The following COMMD9 variants were observed in gnomAD, a reference collection of about 807,000 sequenced individuals.
COMMD9 encodes COMM domain containing 9, also known as COMM domain-containing protein 9.
Under a neutral mutation model 23.4 loss-of-function variants are expected in COMMD9, and 22 were observed. The observed-to-expected ratio is 0.94, with a 90% CI of 0.67 to 1.34. The LOEUF (loss-of-function observed/expected upper bound fraction) is 1.34, where lower values mean the gene tolerates loss of function less well. Among genes scored for constraint, COMMD9 ranks in the 40% most tolerant of loss-of-function variants. The probability of loss-of-function intolerance (pLI) is 0.00; values close to 1 mark genes in which losing one functional copy is unlikely to be tolerated. For synonymous variants in COMMD9, 99 were observed against 97.4 expected (o/e 1.02, Z -0.10); for missense variants, 231 against 240.2 (o/e 0.96, Z 0.25).
At position 36,273,333 on chromosome 11, in the gene COMMD9, T is replaced by C. The variant is rs1005335098; in HGVS notation, c.*1299A>G. ...GCAAGCTGTTGCCATGGAGATGATC[T>C]GGTGAGTGAAGGGGGAATCTTCACA... On this transcript the variant is annotated 3_prime_UTR_variant, in exon 6 of 6. Coordinates refer to ENST00000263401, the MANE Select transcript of COMMD9 (RefSeq NM_014186.4). The C allele has an allele frequency of 6.6e-6, 1 of 152,212 alleles. No homozygotes were observed. The highest frequency in any genetic ancestry group is 2.4e-5 in the African/African-American group (1 of 41,446). 9.4% of individuals were successfully genotyped at this position (152,212 alleles called of 1,614,324 possible).
chr11:36,281,290 G>C (rs150644895), intron 1 of COMMD9, among the ~76,000 whole-genome samples: 1 of 152,330 alleles, frequency 6.6e-6, no homozygotes, highest in Non-Finnish European at 1.5e-5. Flanking sequence ...AAAAGTTTTA[G>C]ATGACAACTG....
At chr11:36,286,765 C>T (rs1389418168) in intron 1 of COMMD9, among the ~76,000 whole-genome samples, 1 of 152,138 alleles carries the variant, frequency 6.6e-6, no homozygotes, top group Non-Finnish European at 1.5e-5. Flanking sequence ...TTGATACACA[C>T]AACATGGATG....
At chr11:36,282,811 C>A (rs994297733) in intron 1 of COMMD9, among the ~76,000 whole-genome samples, 2 of 152,148 alleles carry the variant, frequency 1.3e-5, no homozygotes, top group African/African-American at 4.8e-5. Context: ...CCACAATAGG[C>A]CGTCTGCAAG....
At chr11:36,279,113 G>A (rs1856024094) in intron 2 of COMMD9, among the ~76,000 whole-genome samples, 1 of 152,182 alleles carries the variant, frequency 6.6e-6, no homozygotes. Flanking sequence ...CTGAAGCTGT[G>A]CTTACTGAAC....
At chr11:36,280,340 C>A (rs1429483858) in intron 2 of COMMD9, among the ~76,000 whole-genome samples, 1 of 152,164 alleles carries the variant, frequency 6.6e-6, no homozygotes, top group Non-Finnish European at 1.5e-5. Context: ...CTCAGGAAGC[C>A]TGATGGAATC....
chr11:36,289,338 G>A (rs1856227756), intron 1 of COMMD9, 24 bp downstream of exon 1: 2 of 1,547,814 alleles, frequency 1.3e-6, no homozygotes, highest in East Asian at 2.5e-5. Flanking sequence ...GCCACCTCAC[G>A]CTGTCCCCAC....
chr11:36,278,550 T>C lies in COMMD9; in HGVS notation c.244A>G (p.Ile82Val), dbSNP rs376261836. The change falls in exon 3 of 6, where the codon ATT becomes GTT. Residue 82 changes from isoleucine (I) to valine (V), a missense_variant. Transcript: ENST00000263401. ...AFRDLSSAEA[I>V]LALFPENFHQ... ...AAATTTTCTGGAAAGAGAGCCAGAA[T>C]TGCCTCGGCAGAGGACAGGTCACGG... 1.2e-6 allele frequency: 2 copies of C among 1,614,098 alleles called. No individual in the cohort carries two copies. Among genetic ancestry groups the C allele is most frequent in the Non-Finnish European group, 8.5e-7 (1 of 1,179,912 alleles).
intron 5 of COMMD9, among the ~76,000 whole-genome samples, chr11:36,275,286 A>G (rs1590395468): frequency 6.6e-6 from 1 of 152,270 alleles, no homozygotes; most frequent in African/African-American, 2.4e-5. Context: ...ATGTAGATAC[A>G]GCATTACATT....
intron 3 of COMMD9, 43 bp downstream of exon 3, chr11:36,278,434 A>G (rs760154647): frequency 6.5e-7 from 1 of 1,538,658 alleles, no homozygotes; most frequent in South Asian, 1.1e-5. Context: ...AAATAATAAG[A>G]AATGTAAAAG....
rs1856051732 is a variant in COMMD9, at chr11:36,280,756, C to T, written c.133G>A (p.Val45Ile). ...GTCACAGACAAGCTGGAACATGTAA[C>T]ATCCAAGAGTTTTTTCAAGCCAAGG... is the stretch of plus-strand genomic sequence containing the variant. The part of the protein sequence containing the change: ...SALGLKKLLD[V>I]TCSSLSVTQE... Residue 45 changes from valine (V) to isoleucine (I), a missense_variant, in exon 2 of 6, where the codon GTT (valine) becomes ATT (isoleucine). Physicochemically the swap from Val to Ile is conservative, Grantham distance 29. Coordinates refer to ENST00000263401, the MANE Select transcript of COMMD9 (RefSeq NM_014186.4). 6.2e-7 allele frequency: 1 copy of T among 1,609,834 alleles called. No homozygotes were observed. Among genetic ancestry groups the T allele is most frequent in the Non-Finnish European group, 8.5e-7 (1 of 1,177,274 alleles).
rs1187381097 is a variant in COMMD9, at chr11:36,274,204, G to A, written c.*428C>T. On this transcript the variant is annotated 3_prime_UTR_variant, in exon 6 of 6. Transcript: ENST00000263401. ...GGAGCAGGAACTGCTGGCATCACCT[G>A]TCCGATTCCCTCCATGTGTTCTGGG... The A allele has an allele frequency of 2.2e-6, 1 of 454,522 alleles. No homozygotes were observed. The highest frequency in any genetic ancestry group is 4.4e-6 in the Non-Finnish European group (1 of 225,810). The allele number at this position is 454,522 out of a possible 1,614,324, so 28.2% of individuals were successfully genotyped here.
chr11:36,275,679 T>A (rs570814347), intron 5 of COMMD9, among the ~76,000 whole-genome samples: 1 of 152,178 alleles, frequency 6.6e-6, no homozygotes, highest in African/African-American at 2.4e-5. Context: ...CTTGACCTCA[T>A]GATCCACCCA....
At chr11:36,277,577 A>G (rs1477992685) in intron 3 of COMMD9, among the ~76,000 whole-genome samples, 1 of 152,232 alleles carries the variant, frequency 6.6e-6, no homozygotes, top group Non-Finnish European at 1.5e-5. Context: ...TTAAAATACA[A>G]TAAAACCCTT....
At chr11:36,276,394 C>G (rs1855973743) in intron 4 of COMMD9, 154 bp from the exon 5 acceptor site, 1 of 611,102 alleles carries the variant, frequency 1.6e-6, no homozygotes, top group Admixed American at 2.6e-5. Context: ...CCGAGACCCA[C>G]AGCGAGTCAT....
rs914853299 is a variant in COMMD9 at position 36,273,148 on chromosome 11, A to C, written c.*1484T>G. 2 of 152,248 alleles carry C rather than the reference A, an allele frequency of 1.3e-5. No individual in the cohort carries two copies. The highest frequency in any genetic ancestry group is 2.9e-5 in the Non-Finnish European group (2 of 68,046). 9.4% of individuals were successfully genotyped at this position (152,248 alleles called of 1,614,324 possible). A position where few individuals can be genotyped will look rare whatever the true frequency, so the allele number is the denominator to read the frequency against. ...ACAAAGTGGGTGAAAATTGAGATGTAGAAGTCAAGCACCTTACCACTGAGA... is the reference window on the plus strand; with the variant it reads ...ACAAAGTGGGTGAAAATTGAGATGTCGAAGTCAAGCACCTTACCACTGAGA... On this transcript the variant is annotated 3_prime_UTR_variant, in exon 6 of 6. Transcript: ENST00000263401.
chr11:36,272,680 G>A lies in COMMD9; in HGVS notation c.*1952C>T, dbSNP rs1053698433. ...CCTATAGCAGATAAAGAAGAGCTTG[G>A]AATTTTTTTTCCCTTGACCTTCCTC... On this transcript the variant is annotated 3_prime_UTR_variant, in exon 6 of 6. Coordinates refer to ENST00000263401, the MANE Select transcript of COMMD9 (RefSeq NM_014186.4). 6.6e-6 allele frequency: 1 copy of A among 152,186 alleles called. No homozygotes were observed. Among genetic ancestry groups the A allele is most frequent in the African/African-American group, 2.4e-5 (1 of 41,436 alleles). 9.4% of individuals were successfully genotyped at this position (152,186 alleles called of 1,614,324 possible).
chr11:36,286,028 C>T (rs200312529), intron 1 of COMMD9, among the ~76,000 whole-genome samples: 1 of 152,144 alleles, frequency 6.6e-6, no homozygotes, highest in Admixed American at 6.5e-5. Context: ...GCTGAAAATT[C>T]TAGCCACTAA....
intron 4 of COMMD9, chr11:36,276,561 T>C (rs1473883473): frequency 1.1e-5 from 3 of 274,858 alleles, no homozygotes; most frequent in East Asian, 6.6e-5. Context: ...CCTTAGGAAA[T>C]GTGTAGCTTC....
intron 3 of COMMD9, 96 bp downstream of exon 3, chr11:36,278,381 G>T: frequency 8.4e-7 from 1 of 1,196,890 alleles, no homozygotes; most frequent in Non-Finnish European, 1.2e-6. Context: ...GGCTTCCTAA[G>T]TTTTCAACAA....
Sources: allele counts gnomAD v4.1 joint callset (sites outside exome capture counted in the v4.1 genomes callset), GRCh38; gene constraint gnomAD v4.1.1; transcripts MANE v1.5; gene names NCBI Gene and HGNC (gene_info 2026-07-23, HGNC 2026-07-21).